Variants in IFI16 observed in about 807,000 individuals in gnomAD.
IFI16 encodes the protein interferon gamma inducible protein 16, also known as gamma-interferon-inducible protein 16.
Under a neutral mutation model 68.4 loss-of-function variants are expected in IFI16, and 49 were observed. The observed-to-expected ratio is 0.72, with a 90% confidence interval of 0.57 to 0.91. The LOEUF (loss-of-function observed/expected upper bound fraction) is 0.91, where lower values mean the gene tolerates loss of function less well. Ranked by LOEUF, IFI16 falls within the 40% of genes least tolerant of loss-of-function variation. IFI16 has a pLI of 0.00. For missense variants in IFI16, 878 were observed against 942.9 expected, an observed-to-expected ratio of 0.93 and a Z score of 0.90; for synonymous variants, 307 against 315.0, an observed-to-expected ratio of 0.97 and a Z score of 0.27.
At chr1:159,022,405 A>C (rs1101988) in intron 6 of IFI16, among the ~76,000 whole-genome samples, 1 of 152,130 alleles carries the variant, frequency 6.6e-6, no homozygotes, top group South Asian at 2.1e-4. Flanking sequence ...ACTCGCCAGC[A>C]GTTTTGCCAC....
intron 6 of IFI16, among the ~76,000 whole-genome samples, chr1:159,021,370 T>C (rs1393100442): frequency 6.6e-6 from 1 of 152,238 alleles, no homozygotes; most frequent in Non-Finnish European, 1.5e-5. Context: ...CTCTCCTGAG[T>C]TACTTCACTT....
intron 9 of IFI16, among the ~76,000 whole-genome samples, chr1:159,051,398 G>C (rs1284872713): frequency 6.6e-6 from 1 of 151,946 alleles, no homozygotes; most frequent in Non-Finnish European, 1.5e-5. Context: ...TCTTGATAGG[G>C]GATATGCCTT....
At chr1:159,025,306 T>A (rs75684027) in intron 6 of IFI16, among the ~76,000 whole-genome samples, 2,097 of 152,190 alleles carry the variant, frequency 0.014, 58 homozygotes, top group African/African-American at 0.047. Flanking sequence ...GCATTGTGAC[T>A]TACCTGGCCA....
intron 7 of IFI16, among the ~76,000 whole-genome samples, chr1:159,042,861 G>C (rs1302513570): frequency 1.3e-5 from 2 of 152,126 alleles, no homozygotes; most frequent in Non-Finnish European, 2.9e-5. Context: ...ATCACCCCCT[G>C]TGTTACCTAC....
intron 7 of IFI16, among the ~76,000 whole-genome samples, chr1:159,037,790 C>T (rs1264397900): frequency 6.6e-6 from 1 of 151,732 alleles, no homozygotes; most frequent in Non-Finnish European, 1.5e-5. Context: ...CTTCCTATAC[C>T]CCCTCAATCA....
At chr1:159,039,228 G>A (rs990223157) in intron 7 of IFI16, among the ~76,000 whole-genome samples, 4 of 152,116 alleles carry the variant, frequency 2.6e-5, no homozygotes, top group African/African-American at 9.7e-5. Context: ...GAAGGAGTTA[G>A]GATATCTAAA....
At chr1:159,005,161 C>G (rs1257686076), upstream of IFI16, among the ~76,000 whole-genome samples, 1 of 152,170 alleles carries the variant, frequency 6.6e-6, no homozygotes, top group African/African-American at 2.4e-5. Flanking sequence ...TCACCAGATA[C>G]TGATGCTTGA....
intron 6 of IFI16, among the ~76,000 whole-genome samples, chr1:159,025,014 C>T (rs116527522): frequency 0.029 from 4,385 of 151,084 alleles, 100 homozygotes; most frequent in African/African-American, 0.06. Flanking sequence ...AATCTTTTTT[C>T]ATCTTTTAAT....
intron 8 of IFI16, among the ~76,000 whole-genome samples, chr1:159,049,026 T>C (rs1252362481): frequency 1.3e-5 from 2 of 150,704 alleles, no homozygotes; most frequent in Non-Finnish European, 3.0e-5. Context: ...TGAAGAGCAC[T>C]TGAGAGAGAC....
In IFI16 at chr1:159,018,557, A is replaced by G. The variant is rs760376535; in HGVS notation, c.878A>G (p.Lys293Arg). 1 of 1,613,972 alleles carries G rather than the reference A, an allele frequency of 6.2e-7. No homozygotes were observed. The highest frequency in any genetic ancestry group is 8.5e-7 in the Non-Finnish European group (1 of 1,179,818). Residue 293 changes from lysine (K) to arginine (R), a missense_variant, in exon 5 of 12, where the codon AAA becomes AGA. This residue lies in a region of IFI16 where 443 missense variants were observed against 421.8 expected (regional missense o/e 1.05). Coordinates refer to ENST00000295809, the MANE Select transcript of IFI16 (RefSeq NM_001376587.1). ...AACCAAACGTTTGAGGTTCCAAATA[A>G]AATCATCAACAGAGCAAAGGAAACT... Reference protein sequence around the residue: ...GPNQTFEVPNKIINRAKETLK... With the variant: ...GPNQTFEVPNRIINRAKETLK...
chr1:159,044,647 G>C (rs555673700), intron 7 of IFI16, among the ~76,000 whole-genome samples: 6 of 152,162 alleles, frequency 3.9e-5, no homozygotes, highest in Non-Finnish European at 7.4e-5. Flanking sequence ...TGATTTTAGA[G>C]ATATTCCCCA....
intron 7 of IFI16, among the ~76,000 whole-genome samples, chr1:159,037,056 T>C (rs3754460): frequency 0.16 from 25,017 of 152,234 alleles, 2,367 homozygotes; most frequent in East Asian, 0.3. Flanking sequence ...AGACAGAGGC[T>C]ATGCCTAGTG....
upstream of IFI16, among the ~76,000 whole-genome samples, chr1:159,009,724 A>G (rs1250268942): frequency 6.6e-6 from 1 of 152,224 alleles, no homozygotes; most frequent in East Asian, 1.9e-4. Flanking sequence ...TGGTGAAGTC[A>G]GAGATTTCAG....
intron 3 of IFI16, 151 bp from the exon 4 acceptor site, chr1:159,016,382 A>C: frequency 1.6e-6 from 1 of 639,682 alleles, no homozygotes; most frequent in East Asian, 2.7e-5. Context: ...ATCTATGCCC[A>C]TCTCTTAAAC....
chr1:159,017,197 C>CT, intron 4 of IFI16, among the ~76,000 whole-genome samples: 1 of 152,348 alleles, frequency 6.6e-6, no homozygotes, highest in Non-Finnish European at 1.5e-5. Flanking sequence ...CCCCAGGTTT[C>CT]TGTTAGCATG....
intron 6 of IFI16, among the ~76,000 whole-genome samples, chr1:159,026,222 A>G (rs1413799596): frequency 6.7e-6 from 1 of 150,100 alleles, no homozygotes; most frequent in African/African-American, 2.4e-5. Flanking sequence ...GTGAAGAATG[A>G]TGTTGGTATT....
chr1:159,023,915 G>A (rs142218548), intron 6 of IFI16, among the ~76,000 whole-genome samples: 100 of 152,278 alleles, frequency 6.6e-4, no homozygotes, highest in African/African-American at 2.4e-3. Context: ...CCTCGGGGGC[G>A]GACCCCCGGG....
At chr1:159,008,508 A>G (rs1432731406), upstream of IFI16, among the ~76,000 whole-genome samples, 1 of 152,196 alleles carries the variant, frequency 6.6e-6, no homozygotes, top group Non-Finnish European at 1.5e-5. Context: ...CTGGAGTCCC[A>G]ATTGAGGACA....
chr1:159,052,303 T>C, intron 10 of IFI16: 1 of 561,272 alleles, frequency 1.8e-6, no homozygotes, highest in Non-Finnish European at 3.2e-6. Context: ...TAAGGTATCA[T>C]CATGCAAGTT....
Sources: gnomAD v4.1 joint callset for allele counts (sites outside exome capture counted in the v4.1 genomes callset) on GRCh38, gnomAD v4.1.1 for gene constraint, gnomAD v4.1.1 regional missense constraint, MANE v1.5 for transcripts, NCBI Gene and HGNC (gene_info 2026-07-23, HGNC 2026-07-21) for gene names.